Variants in CDC73 observed in about 807,000 individuals in gnomAD.
CDC73 encodes cell division cycle 73, also known as parafibromin.
Under a neutral mutation model 83.7 loss-of-function variants are expected in CDC73, and 21 were observed. That is an observed-to-expected ratio of 0.25 (90% CI 0.18 to 0.36). The LOEUF (loss-of-function observed/expected upper bound fraction) is 0.36, where lower values mean the gene tolerates loss of function less well. Among genes scored for constraint, CDC73 ranks in the 10% least tolerant of loss-of-function variants. The pLI is 1.00. For missense variants in CDC73, 342 were observed against 653.3 expected, an observed-to-expected ratio of 0.52 and a Z score of 5.19; for synonymous variants, 224 against 212.9, an observed-to-expected ratio of 1.05 and a Z score of -0.45.
chr1:193,150,836 G>A (rs928818989), intron 9 of CDC73, among the ~76,000 whole-genome samples: 2 of 152,170 alleles, frequency 1.3e-5, no homozygotes, highest in African/African-American at 4.8e-5. Context: ...ATTATTGTGA[G>A]TATTGGACTG....
chr1:193,224,151 C>G (rs1319483837), intron 13 of CDC73, among the ~76,000 whole-genome samples: 4 of 151,984 alleles, frequency 2.6e-5, no homozygotes, highest in African/African-American at 7.2e-5. Flanking sequence ...CCTCCACTCC[C>G]CCACCCTTCC....
At chr1:193,201,556 T>G (rs1677092193) in intron 10 of CDC73, among the ~76,000 whole-genome samples, 1 of 152,120 alleles carries the variant, frequency 6.6e-6, no homozygotes, top group African/African-American at 2.4e-5. Context: ...GTCTAGGATA[T>G]AAACCTTTCC....
chr1:193,248,627 G>A (rs1324615453), intron 15 of CDC73, among the ~76,000 whole-genome samples: 1 of 152,000 alleles, frequency 6.6e-6, no homozygotes, highest in African/African-American at 2.4e-5. Flanking sequence ...TGATTAATAG[G>A]AGGAAGTCAA....
intron 10 of CDC73, chr1:193,181,723 A>G: frequency 1.5e-6 from 1 of 657,942 alleles, no homozygotes; most frequent in East Asian, 2.9e-5. Context: ...ACTGCCTGAA[A>G]GGGACTTTGG....
chr1:193,203,893 A>T (rs1250499538), intron 11 of CDC73, 41 bp downstream of exon 11: 4 of 1,545,386 alleles, frequency 2.6e-6, no homozygotes, highest in Non-Finnish European at 3.6e-6. Flanking sequence ...CTTTCAAAAG[A>T]TCGTAACAGT....
chr1:193,175,138 T>C (rs1334249220), intron 10 of CDC73, among the ~76,000 whole-genome samples: 1 of 152,136 alleles, frequency 6.6e-6, no homozygotes, highest in Non-Finnish European at 1.5e-5. Flanking sequence ...GTTTTAGGGA[T>C]TTTGGTATAT....
At chr1:193,237,623 T>TG (rs1448276811) in intron 15 of CDC73, among the ~76,000 whole-genome samples, 1 of 151,878 alleles carries the variant, frequency 6.6e-6, no homozygotes, top group African/African-American at 2.4e-5. Context: ...GGTGGTGTGG[T>TG]GGGGTGGCGA....
At chr1:193,180,187 A>G (rs1676688079) in intron 10 of CDC73, 1 of 924,908 alleles carries the variant, frequency 1.1e-6, no homozygotes, top group East Asian at 2.8e-5. Context: ...GAATTTCTTT[A>G]TGTGATGAGT....
chr1:193,152,966 A>T (rs1676145087), intron 10 of CDC73, among the ~76,000 whole-genome samples: 1 of 151,956 alleles, frequency 6.6e-6, no homozygotes. Context: ...TATTTTTAGT[A>T]GAGACGGGGT....
At chr1:193,197,686 G>T (rs1326672693) in intron 10 of CDC73, among the ~76,000 whole-genome samples, 1 of 152,038 alleles carries the variant, frequency 6.6e-6, no homozygotes, top group Non-Finnish European at 1.5e-5. Context: ...AGCACTTTGG[G>T]AGGCTGAGGT....
intron 10 of CDC73, among the ~76,000 whole-genome samples, chr1:193,173,100 G>A (rs1199872663): frequency 6.6e-6 from 1 of 152,188 alleles, no homozygotes; most frequent in African/African-American, 2.4e-5. Context: ...GGCAACATAA[G>A]CCTAGAGAAA....
intron 3 of CDC73, among the ~76,000 whole-genome samples, chr1:193,133,411 C>G (rs1675729877): frequency 6.6e-6 from 1 of 152,022 alleles, no homozygotes; most frequent in African/African-American, 2.4e-5. Flanking sequence ...TAGAACTAGA[C>G]AAGGTGATTC....
chr1:193,205,547 T>C (rs1019956791), intron 11 of CDC73, among the ~76,000 whole-genome samples: 14 of 152,054 alleles, frequency 9.2e-5, no homozygotes, highest in Admixed American at 7.2e-4. Context: ...TGTTTGACAG[T>C]AGGTTTGTTT....
intron 10 of CDC73, among the ~76,000 whole-genome samples, chr1:193,167,047 T>C (rs571491792): frequency 5.3e-4 from 80 of 152,358 alleles, no homozygotes; most frequent in Non-Finnish European, 9.7e-4. Context: ...TGAGATTTTA[T>C]GTATTATTTC....
intron 10 of CDC73, among the ~76,000 whole-genome samples, chr1:193,187,105 C>CCCCCCA (rs1676826260): frequency 1.2e-5 from 1 of 86,614 alleles, no homozygotes. Flanking sequence ...ATTTAGATCC[C>CCCCCCA]CCCCCCCGTT....
At chr1:193,202,804 G>T (rs895283839) in intron 10 of CDC73, among the ~76,000 whole-genome samples, 1 of 151,674 alleles carries the variant, frequency 6.6e-6, no homozygotes, top group Admixed American at 6.6e-5. Context: ...AATGCCATGG[G>T]ATAGCCTGCT....
rs763095800 is a variant in CDC73 at position 193,135,447 on chromosome 1, A to C, written c.364A>C (p.Thr122Pro). The change falls in exon 4 of 17, where the codon ACT becomes CCT. Residue 122 changes from threonine to proline, a missense_variant. Transcript: ENST00000367435. ...APLEIGLQRS[T>P]QVKRAADEVL... ...CTTAGAAATAGGTCTTCAGCGATCT[A>C]CTCAAGGTATGTCTTGTTGCATATT... 1.2e-6 allele frequency: 2 copies of C among 1,613,274 alleles called. No individual in the cohort carries two copies. The highest frequency in any genetic ancestry group is 8.5e-7 in the Non-Finnish European group (1 of 1,179,310).
intron 10 of CDC73, among the ~76,000 whole-genome samples, chr1:193,173,509 A>G (rs1355966167): frequency 1.3e-5 from 2 of 152,204 alleles, no homozygotes; most frequent in Non-Finnish European, 2.9e-5. Context: ...AATAATATTG[A>G]TGTAATCCTA....
chr1:193,233,993 T>G (rs1487675643), intron 14 of CDC73, among the ~76,000 whole-genome samples: 1 of 151,446 alleles, frequency 6.6e-6, no homozygotes, highest in Non-Finnish European at 1.5e-5. Flanking sequence ...ACTTGTTAGT[T>G]TTCAGGCATT....
Sources: allele counts gnomAD v4.1 joint callset (sites outside exome capture counted in the v4.1 genomes callset), GRCh38; gene constraint gnomAD v4.1.1; transcripts MANE v1.5; gene names NCBI Gene and HGNC (gene_info 2026-07-23, HGNC 2026-07-21).